The following MED17 variants were observed in gnomAD, a reference collection of about 807,000 sequenced individuals.
The protein encoded by MED17 is mediator of RNA polymerase II transcription subunit 17.
A neutral mutation model predicts 80.8 loss-of-function variants in MED17; 49 were observed. The observed-to-expected ratio is 0.61, with a 90% CI of 0.48 to 0.77. The LOEUF (loss-of-function observed/expected upper bound fraction) is 0.77. Ranked by LOEUF, MED17 falls within the 30% of genes least tolerant of loss-of-function variation. The pLI is 0.00. For synonymous variants in MED17, 281 were observed against 280.4 expected (o/e 1.00, Z -0.02); for missense variants, 718 against 787.0 (o/e 0.91, Z 1.05).
intron 1 of MED17, among the ~76,000 whole-genome samples, chr11:93,787,275 T>C (rs1470684226): frequency 6.6e-6 from 1 of 151,762 alleles, no homozygotes; most frequent in Admixed American, 6.6e-5. Flanking sequence ...TAGCTGGGCG[T>C]GGTGGTGGGT....
intron 11 of MED17, chr11:93,811,034 T>C (rs1384377916): frequency 6.6e-6 from 1 of 152,284 alleles, no homozygotes; most frequent in East Asian, 1.9e-4. Context: ...CTGAATACTA[T>C]AGGCAGTTGT....
rs373243739 is a variant in MED17, at chr11:93,796,518, A to G, written c.1121A>G (p.Asn374Ser). 1.2e-5 allele frequency: 19 copies of G among 1,614,040 alleles called. No individual in the cohort carries two copies. The highest frequency in any genetic ancestry group is 1.6e-5 in the Non-Finnish European group (19 of 1,180,026). The change falls in exon 7 of 12, where the codon AAT (asparagine) becomes AGT (serine). Residue 374 changes from asparagine (N) to serine (S), a missense_variant. Asn to Ser is a conservative substitution (Grantham distance 46). Transcript: ENST00000251871. ...GACCACCTTTATGTCCTAGAGCATA[A>G]TTTGCATCTACTGATTAGAGAGGTA... ...PEDHLYVLEHNLHLLIREFHK... is the reference protein window; with the variant it reads ...PEDHLYVLEHSLHLLIREFHK...
intron 9 of MED17, among the ~76,000 whole-genome samples, chr11:93,804,873 A>G (rs1337105492): frequency 1.3e-5 from 2 of 152,242 alleles, no homozygotes; most frequent in Non-Finnish European, 2.9e-5. Flanking sequence ...CAACTTATGC[A>G]GGTAGGCTTA....
At chr11:93,808,590 T>TG (rs1181395886) in intron 10 of MED17, 1 of 143,560 alleles carries the variant, frequency 7.0e-6, no homozygotes, top group Non-Finnish European at 1.5e-5. Context: ...TTTTTTCACA[T>TG]TAAAAAAAAT....
At chr11:93,787,959 C>T (rs371171340) in intron 1 of MED17, 42 bp from the exon 2 acceptor site, 95 of 1,550,878 alleles carry the variant, frequency 6.1e-5, no homozygotes, top group Non-Finnish European at 7.7e-5. Context: ...TTCAATGTAA[C>T]GAATACTTCT....
At position 93,812,223 on chromosome 11, in the gene MED17, T is replaced by C; in HGVS notation, c.*159T>C. ...TTTAGCACTTTCAAACTTTTCACTT[T>C]ATAAATGACAAGTGCTTTGAAATGC... On this transcript the variant is annotated 3_prime_UTR_variant, in exon 12 of 12. Coordinates refer to ENST00000251871, the MANE Select transcript of MED17 (RefSeq NM_004268.5). The C allele has an allele frequency of 1.5e-6, 1 of 685,484 alleles. No individual in the cohort carries two copies. Among genetic ancestry groups the C allele is most frequent in the East Asian group, 2.7e-5 (1 of 37,146 alleles). 42.5% of individuals were successfully genotyped at this position (685,484 alleles called of 1,614,324 possible). A position where few individuals can be genotyped will look rare whatever the true frequency, so the allele number is the denominator to read the frequency against.
chr11:93,787,854 C>T (rs752593934), intron 1 of MED17, 147 bp from the exon 2 acceptor site: 111 of 718,704 alleles, frequency 1.5e-4, no homozygotes, highest in Non-Finnish European at 2.5e-4. Flanking sequence ...TTTTAAGAAA[C>T]GGTAGAGGAG....
Position 93,784,745 on chromosome 11 carries a change from G to C in MED17, c.232G>C (p.Asp78His). 6.5e-7 allele frequency: 1 copy of C among 1,541,286 alleles called. No individual in the cohort carries two copies. Among genetic ancestry groups the C allele is most frequent in the Non-Finnish European group, 8.7e-7 (1 of 1,148,212 alleles). ...GTGGCCGGGCGCCGGGTCCAGCGCA[G>C]ACCAGGACGACGAGGAAGGTAAGGC... ...QEWPGAGSSA[D>H]QDDEEGVVKF... Residue 78 changes from aspartate to histidine, a missense_variant, in exon 1 of 12, where the codon GAC becomes CAC. Coordinates refer to ENST00000251871, the MANE Select transcript of MED17 (RefSeq NM_004268.5).
rs1944032963 is a variant in MED17, at chr11:93,807,067, C to A, written c.1467-451C>A. On this transcript the variant is annotated intron_variant, in intron 9 of 11. Transcript: ENST00000251871. Reference sequence around the variant, plus strand: ...TCTGGGGTGAGTCTGTTTAGTTGAACCTAAGAAGACACCTGCATCTCCTCC... The same window carrying A: ...TCTGGGGTGAGTCTGTTTAGTTGAAACTAAGAAGACACCTGCATCTCCTCC... 9 of 183,676 alleles carry A rather than the reference C, an allele frequency of 4.9e-5. No individual in the cohort carries two copies. In the Middle Eastern group the frequency reaches 0.01, roughly 208 times the overall value. 11.4% of individuals were successfully genotyped at this position (183,676 alleles called of 1,614,324 possible).
At chr11:93,811,272 C>G (rs1944083085) in intron 11 of MED17, 1 of 152,434 alleles carries the variant, frequency 6.6e-6, no homozygotes, top group South Asian at 2.1e-4. Context: ...ATCTTTCCTT[C>G]ATCCCTTTCA....
rs1943787754 is a variant in MED17, at chr11:93,788,023, C to T, written c.273C>T (p.Ser91=). ...DEEGVVKFQP[S]LWPWDSVRNN... ...TAGGAGTGGTAAAATTTCAGCCTTC[C>T]CTTTGGCCTTGGGACTCAGTGAGGA... Residue 91 remains serine (S), a synonymous_variant, in exon 2 of 12, where the codon TCC becomes TCT. Coordinates refer to ENST00000251871, the MANE Select transcript of MED17 (RefSeq NM_004268.5). 1.2e-6 allele frequency: 2 copies of T among 1,613,490 alleles called. No homozygotes were observed. Among genetic ancestry groups the T allele is most frequent in the African/African-American group, 1.3e-5 (1 of 74,820 alleles).
chr11:93,802,448 A>G (rs1591388679), intron 9 of MED17, among the ~76,000 whole-genome samples: 1 of 152,258 alleles, frequency 6.6e-6, no homozygotes, highest in East Asian at 1.9e-4. Context: ...GAGAAAATTC[A>G]TAAAGTCTGT....
intron 1 of MED17, 79 bp downstream of exon 1, chr11:93,784,842 G>T: frequency 1.3e-6 from 2 of 1,513,882 alleles, no homozygotes; most frequent in Non-Finnish European, 1.8e-6. Flanking sequence ...CCCGCGATGG[G>T]GGTGATCTTG....
In MED17 at chr11:93,812,415, A is replaced by G; in HGVS notation, c.*351A>G. On this transcript the variant is annotated 3_prime_UTR_variant, in exon 12 of 12. Transcript: ENST00000251871. ...ATGTGGTTTAAAAAAATCTCCAAATACCTTTTTTTCCCCCCAAATACTTTC... is the reference window on the plus strand; with the variant it reads ...ATGTGGTTTAAAAAAATCTCCAAATGCCTTTTTTTCCCCCCAAATACTTTC... 2.1e-6 allele frequency: 1 copy of G among 468,406 alleles called. No homozygotes were observed. The highest frequency in any genetic ancestry group is 3.7e-6 in the Non-Finnish European group (1 of 270,008). 29.0% of individuals were successfully genotyped at this position (468,406 alleles called of 1,614,324 possible).
chr11:93,786,158 T>G lies in MED17; in HGVS notation c.250+1395T>G, dbSNP rs117365230. Among the ~76,000 whole-genome samples, 688 of 152,350 alleles carry G rather than the reference T, an allele frequency of 4.5e-3. 4 individuals are homozygous for G. The highest frequency in any genetic ancestry group is 0.017 in the Middle Eastern group (5 of 294). On this transcript the variant is annotated intron_variant, in intron 1 of 11. Coordinates refer to ENST00000251871, the MANE Select transcript of MED17 (RefSeq NM_004268.5). ...ACACATATAACACAAATTTAGTTGA[T>G]ATCTTCTCTATTCAAAAAGTCCCTT...
At chr11:93,797,407 A>G (rs1943915965) in intron 7 of MED17, 128 bp from the exon 8 acceptor site, 4 of 896,612 alleles carry the variant, frequency 4.5e-6, no homozygotes, top group South Asian at 2.8e-5. Context: ...TTTTTCTCCA[A>G]GGTTGGATTG....
chr11:93,788,019 C>T lies in MED17; in HGVS notation c.269C>T (p.Pro90Leu), dbSNP rs1448423831. The T allele has an allele frequency of 6.2e-7, 1 of 1,613,690 alleles. No individual in the cohort carries two copies. The part of the protein sequence containing the change: ...DDEEGVVKFQ[P>L]SLWPWDSVRN... ...TTTTTAGGAGTGGTAAAATTTCAGC[C>T]TTCCCTTTGGCCTTGGGACTCAGTG... is the stretch of plus-strand genomic sequence containing the variant. Residue 90 changes from proline (P) to leucine (L), a missense_variant, in exon 2 of 12, where the codon CCT (proline) becomes CTT (leucine). Coordinates refer to ENST00000251871, the MANE Select transcript of MED17 (RefSeq NM_004268.5).
rs1718650930 is a variant in MED17 at position 93,790,440 on chromosome 11, A to C, written c.418-134A>C. On this transcript the variant is annotated intron_variant, in intron 2 of 11. Coordinates refer to ENST00000251871, the MANE Select transcript of MED17 (RefSeq NM_004268.5). ...AGAAATAGGTTAAGGTTATTATTTT[A>C]TTAAAAACACTGTTATGTGTACTTG... 3.9e-6 allele frequency: 3 copies of C among 776,630 alleles called. No homozygotes were observed. In the Admixed American group the frequency reaches 6.9e-5, roughly 18 times the overall value. 48.1% of individuals were successfully genotyped at this position (776,630 alleles called of 1,614,324 possible).
intron 10 of MED17, chr11:93,808,735 T>C (rs1318863492): frequency 6.6e-6 from 1 of 152,066 alleles, no homozygotes; most frequent in Non-Finnish European, 1.5e-5. Context: ...TGATTACATC[T>C]AAATTGGCTT....
Sources: allele counts gnomAD v4.1 joint callset (sites outside exome capture counted in the v4.1 genomes callset), GRCh38; gene constraint gnomAD v4.1.1; transcripts MANE v1.5; gene names NCBI Gene and HGNC (gene_info 2026-07-23, HGNC 2026-07-21).